Variants in COL25A1 observed in about 807,000 individuals in gnomAD.
COL25A1 encodes collagen alpha-1(XXV) chain.
In COL25A1, 103 loss-of-function variants were observed where a neutral mutation model predicts 128.4. The ratio of observed to expected loss-of-function variants is 0.80; its 90% CI spans 0.68 to 0.94. The LOEUF is 0.94. Ranked by LOEUF, COL25A1 falls within the 40% of genes least tolerant of loss-of-function variation. The pLI, the probability that COL25A1 is intolerant of heterozygous loss-of-function variation, is 0.00. For missense variants in COL25A1, 745 were observed against 840.0 expected, an observed-to-expected ratio of 0.89 and a Z score of 1.40; for synonymous variants, 279 against 277.2, an observed-to-expected ratio of 1.01 and a Z score of -0.06.
Position 108,901,209 on chromosome 4 carries a change from G to A in COL25A1, c.781-37C>T, listed in dbSNP as rs776826786. 5.6e-6 allele frequency: 8 copies of A among 1,432,656 alleles called. No homozygotes were observed. In the African/African-American group the frequency reaches 1.1e-4, roughly 20 times the overall value. The allele number at this position is 1,432,656 out of a possible 1,614,324, so 88.7% of individuals were successfully genotyped here. Reference sequence around the variant, plus strand: ...AAAATAGATACTACTAAGTAAAATAGACAAAATCAATACATTACATGGATC... The same window carrying A: ...AAAATAGATACTACTAAGTAAAATAAACAAAATCAATACATTACATGGATC... On this transcript the variant is annotated intron_variant, in intron 13 of 37. Transcript: ENST00000399132.
intron 8 of COL25A1, among the ~76,000 whole-genome samples, chr4:108,953,764 C>T (rs937217776): frequency 6.6e-5 from 10 of 152,088 alleles, no homozygotes; most frequent in Non-Finnish European, 1.5e-4. Context: ...ATTTAGTTTA[C>T]ACACTTTATA....
intron 3 of COL25A1, among the ~76,000 whole-genome samples, chr4:109,199,111 T>C (rs752387993): frequency 2.0e-5 from 3 of 152,190 alleles, no homozygotes; most frequent in Non-Finnish European, 4.4e-5. Flanking sequence ...ATTTTTTTTA[T>C]AAGAATTACC....
chr4:109,097,724 C>T (rs143745545), intron 3 of COL25A1, among the ~76,000 whole-genome samples: 1,776 of 139,280 alleles, frequency 0.013, 36 homozygotes, highest in African/African-American at 0.046. Context: ...AGTGCAGTGG[C>T]GCGATCTTGG....
chr4:108,974,489 A>C, intron 7 of COL25A1, 44 bp downstream of exon 7: 1 of 1,609,538 alleles, frequency 6.2e-7, no homozygotes. Flanking sequence ...GGTCACGCCA[A>C]TATGGATCTT....
chr4:108,977,023 T>G (rs925574405), intron 6 of COL25A1, among the ~76,000 whole-genome samples: 1 of 152,234 alleles, frequency 6.6e-6, no homozygotes, highest in Admixed American at 6.5e-5. Context: ...GAAAGGACTT[T>G]AACCCAGTAT....
At chr4:108,974,596 A>G (rs775142629) in intron 6 of COL25A1, 37 bp from the exon 7 acceptor site, 2 of 1,535,764 alleles carry the variant, frequency 1.3e-6, no homozygotes, top group Admixed American at 3.5e-5. Flanking sequence ...TTTAATTAAA[A>G]AAAGATATTG....
rs367614775 is a variant in COL25A1, at chr4:108,863,376, C to G, written c.1095G>C (p.Gly365=). The change falls in exon 21 of 38, where the codon GGG becomes GGC. Residue 365 remains glycine, a synonymous_variant. Transcript: ENST00000399132. ...PGLPGTKGER[G]EAGPPGRGER... Reference sequence around the variant, plus strand: ...CACCTCTTCCAGGAGGCCCTGCTTCCCCCCGTTCACCCTGTCACAAATTGC... The same window carrying G: ...CACCTCTTCCAGGAGGCCCTGCTTCGCCCCGTTCACCCTGTCACAAATTGC... 1 of 1,613,730 alleles carries G rather than the reference C, an allele frequency of 6.2e-7. No homozygotes were observed.
chr4:108,985,093 T>C (rs1353904061), intron 6 of COL25A1, among the ~76,000 whole-genome samples: 1 of 152,216 alleles, frequency 6.6e-6, no homozygotes, highest in Non-Finnish European at 1.5e-5. Context: ...CCAATGTATA[T>C]TGGATCTCCC....
At chr4:109,096,043 T>C (rs1272884048) in intron 3 of COL25A1, among the ~76,000 whole-genome samples, 1 of 152,200 alleles carries the variant, frequency 6.6e-6, no homozygotes, top group Non-Finnish European at 1.5e-5. Flanking sequence ...GGAATTGGAA[T>C]GACGGGTTAG....
At chr4:109,211,627 A>C (rs1777573248) in intron 3 of COL25A1, among the ~76,000 whole-genome samples, 1 of 152,014 alleles carries the variant, frequency 6.6e-6, no homozygotes, top group Non-Finnish European at 1.5e-5. Context: ...AAAAATAAAA[A>C]AAAATTAAAG....
chr4:109,010,835 T>C (rs1227562096), intron 5 of COL25A1, among the ~76,000 whole-genome samples: 1 of 152,226 alleles, frequency 6.6e-6, no homozygotes, highest in African/African-American at 2.4e-5. Context: ...GTGTTAGAGC[T>C]CATCAAGTCT....
intron 35 of COL25A1, among the ~76,000 whole-genome samples, chr4:108,823,182 A>C (rs1242007574): frequency 1.3e-5 from 2 of 152,220 alleles, no homozygotes; most frequent in Non-Finnish European, 2.9e-5. Flanking sequence ...CAGGGACATA[A>C]ATTAACCTGA....
At chr4:108,833,626 T>C (rs1032993891) in intron 31 of COL25A1, among the ~76,000 whole-genome samples, 6 of 152,246 alleles carry the variant, frequency 3.9e-5, no homozygotes, top group Admixed American at 6.5e-5. Flanking sequence ...GATTTTTCTT[T>C]AGTATTCCCA....
chr4:109,215,710 A>G (rs922329722), intron 3 of COL25A1, among the ~76,000 whole-genome samples: 5 of 152,136 alleles, frequency 3.3e-5, no homozygotes, highest in African/African-American at 4.8e-5. Flanking sequence ...TTTCAGAGAA[A>G]GTCCCATGAG....
intron 3 of COL25A1, among the ~76,000 whole-genome samples, chr4:109,190,453 T>C (rs1775508872): frequency 6.6e-6 from 1 of 151,914 alleles, no homozygotes; most frequent in Non-Finnish European, 1.5e-5. Flanking sequence ...GAAAGACAAA[T>C]AGGTGGCAAA....
chr4:109,301,674 C>T (rs1291242034), intron 2 of COL25A1, 49 bp downstream of exon 2: 1 of 1,576,192 alleles, frequency 6.3e-7, no homozygotes, highest in Non-Finnish European at 8.6e-7. Flanking sequence ...CACAGAGTCA[C>T]GCTTGTACAA....
intron 3 of COL25A1, among the ~76,000 whole-genome samples, chr4:109,130,733 C>A (rs1409178402): frequency 6.6e-6 from 1 of 152,092 alleles, no homozygotes; most frequent in Non-Finnish European, 1.5e-5. Context: ...CAATATCTGG[C>A]AAGAAAGAGG....
At chr4:109,083,273 C>G (rs953867006) in intron 3 of COL25A1, among the ~76,000 whole-genome samples, 3 of 151,240 alleles carry the variant, frequency 2.0e-5, no homozygotes, top group Non-Finnish European at 4.4e-5. Flanking sequence ...TTCTAAATAT[C>G]AAAAAATGAT....
intron 5 of COL25A1, among the ~76,000 whole-genome samples, chr4:109,027,760 T>C (rs1424702725): frequency 6.6e-6 from 1 of 151,258 alleles, no homozygotes; most frequent in South Asian, 2.1e-4. Context: ...AAAAGAGCAG[T>C]AAAAAATGAC....
Sources: allele counts gnomAD v4.1 joint callset (sites outside exome capture counted in the v4.1 genomes callset), GRCh38; gene constraint gnomAD v4.1.1; transcripts MANE v1.5; gene names NCBI Gene and HGNC (gene_info 2026-07-23, HGNC 2026-07-21).